RPP40: variants seen among roughly 807,000 people sequenced by gnomAD.
RPP40 encodes ribonuclease P protein subunit p40.
Under a neutral mutation model 42.5 loss-of-function variants are expected in RPP40, and 30 were observed. The observed-to-expected ratio is 0.71, with a 90% confidence interval of 0.53 to 0.96. The LOEUF is 0.96. RPP40 is among the 40% of genes least tolerant of loss of function. The pLI is 0.00. For missense variants in RPP40, 426 were observed against 433.5 expected (o/e 0.98, Z 0.15); for synonymous variants, 173 against 164.0 (o/e 1.05, Z -0.42).
chr6:4,997,089 C>T (rs919387799), intron 5 of RPP40, among the ~76,000 whole-genome samples: 25 of 152,220 alleles, frequency 1.6e-4, no homozygotes, highest in Non-Finnish European at 7.3e-5. Context: ...GTGCCAGCAT[C>T]GCTTGGTGTC....
downstream of RPP40, among the ~76,000 whole-genome samples, chr6:4,992,686 C>T (rs1389702136): frequency 6.6e-6 from 1 of 152,106 alleles, no homozygotes; most frequent in Non-Finnish European, 1.5e-5. Context: ...GGTGTTCACA[C>T]TATTCACATT....
downstream of RPP40, chr6:4,994,589 C>G (rs879456596): frequency 2.2e-4 from 34 of 155,978 alleles, no homozygotes; most frequent in Non-Finnish European, 3.8e-4. Flanking sequence ...GAGATCAAGT[C>G]TCAGGTCCAC....
the RPP40 span, among the ~76,000 whole-genome samples, chr6:4,988,895 G>A: frequency 6.6e-6 from 1 of 152,134 alleles, no homozygotes; most frequent in African/African-American, 2.4e-5. Flanking sequence ...AAACTGGGAG[G>A]TATTTTTCTG....
intron 5 of RPP40, among the ~76,000 whole-genome samples, chr6:4,996,756 C>T (rs1759396655): frequency 6.6e-6 from 1 of 152,178 alleles, no homozygotes; most frequent in Admixed American, 6.5e-5. Context: ...TAGTGAACTC[C>T]AGAGAGAAGG....
Position 5,002,172 on chromosome 6 carries a change from T to G in RPP40, c.197A>C (p.Tyr66Ser). The G allele has an allele frequency of 6.2e-7, 1 of 1,611,628 alleles. No homozygotes were observed. Residue 66 changes from tyrosine (Y) to serine (S), a missense_variant, in exon 2 of 8, where the codon TAT becomes TCT. Physicochemically the swap from Tyr to Ser is moderately radical, Grantham distance 144 (BLOSUM62 -2). Coordinates refer to ENST00000380051, the MANE Select transcript of RPP40 (RefSeq NM_006638.4). ...AAGAGGTAAATTCTTCACAAAGTAA[T>G]AGGGTCCAGTGTTCATGACCAGGTT... The part of the protein sequence containing the change: ...LKNLVMNTGP[Y>S]YFVKNLPLHE...
downstream of RPP40, among the ~76,000 whole-genome samples, chr6:4,994,547 C>A (rs1264170783): frequency 6.6e-6 from 1 of 152,180 alleles, no homozygotes; most frequent in Non-Finnish European, 1.5e-5. Context: ...GAGGCATTAG[C>A]GTGAGAACAC....
At chr6:4,998,554 C>A in intron 5 of RPP40, 162 bp downstream of exon 5, 1 of 466,352 alleles carries the variant, frequency 2.1e-6, no homozygotes, top group Non-Finnish European at 3.6e-6. Flanking sequence ...CTATGGTTTT[C>A]AGAGATGTCA....
chr6:5,002,233 T>A lies in RPP40; in HGVS notation c.136A>T (p.Ile46Phe). The A allele has an allele frequency of 6.2e-7, 1 of 1,612,564 alleles. No homozygotes were observed. The highest frequency in any genetic ancestry group is 8.5e-7 in the Non-Finnish European group (1 of 1,179,360). Reference sequence around the variant, plus strand: ...TCCGATAGTATCCCACATTCAGGAATGAGAAATGAAACCTATTGGAATGTG... The same window carrying A: ...TCCGATAGTATCCCACATTCAGGAAAGAGAAATGAAACCTATTGGAATGTG... ...HYYNYRVSFL[I>F]PECGILSEEL... Residue 46 changes from isoleucine (I) to phenylalanine (F), a missense_variant, in exon 2 of 8, where the codon ATT (isoleucine) becomes TTT (phenylalanine). By Grantham distance (21) the Ile-to-Phe change is conservative (BLOSUM62 0). Transcript: ENST00000380051.
rs1291746252 is a variant in RPP40, at chr6:4,998,362, G to T, written c.559+354C>A. ...CCCTGTGATAATAAATAAGCAGATT[G>T]TGTATATAATTGGTGCTACTTAAAA... On this transcript the variant is annotated intron_variant, in intron 5 of 7. Coordinates refer to ENST00000380051, the MANE Select transcript of RPP40 (RefSeq NM_006638.4). Among the ~76,000 whole-genome samples the T allele has an allele frequency of 1.3e-5, 2 of 152,242 alleles. 1 individual carries two copies. Among genetic ancestry groups the T allele is most frequent in the Middle Eastern group, 6.3e-3 (2 of 316 alleles).
chr6:4,999,749 C>CG, intron 4 of RPP40, 60 bp downstream of exon 4: 2 of 976,412 alleles, frequency 2.0e-6, no homozygotes, highest in South Asian at 1.5e-5. Flanking sequence ...GCAATTCAAA[C>CG]ATTTAAATTT....
At chr6:4,991,008 A>G (rs1158719666), downstream of RPP40, among the ~76,000 whole-genome samples, 1 of 151,952 alleles carries the variant, frequency 6.6e-6, no homozygotes, top group Non-Finnish European at 1.5e-5. Context: ...TCTCATTCCT[A>G]GTATTGGTAA....
rs1040873649 is a variant in RPP40, at chr6:5,001,819, C to T, written c.268+282G>A. 3.3e-5 allele frequency: 9 copies of T among 273,054 alleles called. No individual in the cohort carries two copies. The East Asian group carries it at 4.6e-4, about 14-fold the overall frequency. The allele number at this position is 273,054 out of a possible 1,614,324, so 16.9% of individuals were successfully genotyped here. ...CAGCAGTGCATCTGAACACAGACTG[C>T]AAGTCTCTCCTCTCCATTAATCCTC... On this transcript the variant is annotated intron_variant, in intron 2 of 7. Coordinates refer to ENST00000380051, the MANE Select transcript of RPP40 (RefSeq NM_006638.4).
chr6:5,002,174 G>C lies in RPP40; in HGVS notation c.195C>G (p.Pro65=), dbSNP rs1177526572. The change falls in exon 2 of 8, where the codon CCC becomes CCG. Residue 65 remains proline (P), a synonymous_variant. Transcript: ENST00000380051. ...GAGGTAAATTCTTCACAAAGTAATA[G>C]GGTCCAGTGTTCATGACCAGGTTTT... The part of the protein sequence containing the change: ...ELKNLVMNTG[P]YYFVKNLPLH... 2.5e-6 allele frequency: 4 copies of C among 1,611,404 alleles called. No homozygotes were observed. In the African/African-American group the frequency reaches 5.3e-5, roughly 22 times the overall value.
intron 1 of RPP40, among the ~76,000 whole-genome samples, chr6:5,003,284 C>T (rs1026382497): frequency 7.3e-5 from 10 of 136,352 alleles, no homozygotes; most frequent in Admixed American, 1.7e-4. Flanking sequence ...GAGGCGGAGC[C>T]TGCAGTGAGC....
intron 7 of RPP40, among the ~76,000 whole-genome samples, chr6:4,995,721 A>C (rs936087228): frequency 6.6e-6 from 1 of 152,258 alleles, no homozygotes; most frequent in African/African-American, 2.4e-5. Context: ...GTTGGGCTTA[A>C]AAAGGAAAAC....
Position 4,994,747 on chromosome 6 carries a change from A to G in RPP40, c.*331T>C. 1 of 239,006 alleles carries G rather than the reference A, an allele frequency of 4.2e-6. No individual in the cohort carries two copies. Among genetic ancestry groups the G allele is most frequent in the Non-Finnish European group, 8.1e-6 (1 of 122,816 alleles). 14.8% of individuals were successfully genotyped at this position (239,006 alleles called of 1,614,324 possible). On this transcript the variant is annotated 3_prime_UTR_variant, in exon 8 of 8. Transcript: ENST00000380051. ...ATGAGATTTCTTTTTATTATCTGAA[A>G]AAGTTGTAATGAACAAAATATATCT... is the stretch of plus-strand genomic sequence containing the variant.
At chr6:4,997,617 A>T (rs1200777760) in intron 5 of RPP40, among the ~76,000 whole-genome samples, 1 of 152,140 alleles carries the variant, frequency 6.6e-6, no homozygotes, top group Non-Finnish European at 1.5e-5. Context: ...CCATAACTGC[A>T]TGATCAATTT....
downstream of RPP40, among the ~76,000 whole-genome samples, chr6:4,990,650 ATTTTTTT>A (rs34478088): frequency 1.5e-5 from 2 of 131,544 alleles, no homozygotes; most frequent in East Asian, 2.2e-4. Context: ...TGCCTGGCTA[ATTTTTTT>A]TTTTTTTTTT....
intron 4 of RPP40, among the ~76,000 whole-genome samples, 191 bp from the exon 5 acceptor site, chr6:4,999,032 G>C (rs1445351385): frequency 6.6e-6 from 1 of 152,134 alleles, no homozygotes; most frequent in Non-Finnish European, 1.5e-5. Context: ...CTAACCTTGA[G>C]AGCTAATAAA....
Sources: gnomAD v4.1 joint callset for allele counts (sites outside exome capture counted in the v4.1 genomes callset) on GRCh38, gnomAD v4.1.1 for gene constraint, MANE v1.5 for transcripts, NCBI Gene and HGNC (gene_info 2026-07-23, HGNC 2026-07-21) for gene names.